RALYL: variants seen among roughly 807,000 people sequenced by gnomAD.
The protein encoded by RALYL is RALY RNA binding protein like.
RALYL carries 29 observed loss-of-function variants against 35.1 expected under a neutral mutation model. The ratio of observed to expected loss-of-function variants is 0.83; its 90% CI spans 0.61 to 1.13. RALYL has a LOEUF of 1.13. Among genes scored for constraint, RALYL ranks in the 50% most tolerant of loss-of-function variants. The pLI, the probability that RALYL is intolerant of heterozygous loss-of-function variation, is 0.00. For synonymous variants in RALYL, 120 were observed against 127.6 expected (o/e 0.94, Z 0.40); for missense variants, 359 against 360.4 (o/e 1.00, Z 0.03).
At chr8:84,543,342 T>C (rs1376535297) in intron 2 of RALYL, among the ~76,000 whole-genome samples, 1 of 152,000 alleles carries the variant, frequency 6.6e-6, no homozygotes, top group Non-Finnish European at 1.5e-5. Context: ...ATTATGATTG[T>C]ATAGAAAAAT....
At chr8:84,752,250 G>C (rs371991274) in intron 2 of RALYL, among the ~76,000 whole-genome samples, 1 of 152,182 alleles carries the variant, frequency 6.6e-6, no homozygotes, top group Non-Finnish European at 1.5e-5. Flanking sequence ...GAACTTGAGA[G>C]TGATGACTTA....
intron 2 of RALYL, among the ~76,000 whole-genome samples, chr8:84,653,988 A>T (rs1360602515): frequency 1.3e-5 from 2 of 151,152 alleles, no homozygotes; most frequent in African/African-American, 4.9e-5. Flanking sequence ...AAGCCCATTG[A>T]GAACAAGGTT....
intron 1 of RALYL, among the ~76,000 whole-genome samples, chr8:84,462,372 C>T (rs1587483761): frequency 1.3e-5 from 2 of 150,862 alleles, no homozygotes; most frequent in Admixed American, 6.6e-5. Context: ...CAAATGTTTT[C>T]GTTTCTTCCT....
intron 1 of RALYL, among the ~76,000 whole-genome samples, chr8:84,485,595 A>T (rs557030254): frequency 6.6e-6 from 1 of 152,064 alleles, no homozygotes; most frequent in African/African-American, 2.4e-5. Flanking sequence ...AACAAAACAA[A>T]ACAAAAACTA....
chr8:84,543,495 TA>T (rs1419987256), intron 2 of RALYL, among the ~76,000 whole-genome samples: 3 of 126,444 alleles, frequency 2.4e-5, no homozygotes, highest in Admixed American at 8.1e-5. Flanking sequence ...TCTATGGAAA[TA>T]AAAAAAATAA....
In RALYL at chr8:84,250,500, G is replaced by A. The variant is rs539271174; in HGVS notation, c.-24+66076G>A. On this transcript the variant is annotated intron_variant, in intron 1 of 8. Transcript: ENST00000521268. ...TCTGCCTCAGCCTCCTGAGTAGCTG[G>A]GATTACAAGTGTCCACCACCCAGAG... is the stretch of plus-strand genomic sequence containing the variant. 1.4e-4 allele frequency among the ~76,000 whole-genome samples: 22 copies of A among 151,930 alleles called. No individual in the cohort carries two copies. The South Asian group carries it at 4.6e-3, about 32-fold the overall frequency.
intron 1 of RALYL, among the ~76,000 whole-genome samples, chr8:84,280,858 G>A (rs1053730496): frequency 3.3e-5 from 5 of 151,914 alleles, no homozygotes; most frequent in Admixed American, 1.3e-4. Flanking sequence ...ACATTTTTGG[G>A]TAGGAGATAA....
intron 4 of RALYL, among the ~76,000 whole-genome samples, chr8:84,843,699 A>G (rs1273581887): frequency 3.9e-5 from 6 of 152,138 alleles, no homozygotes; most frequent in South Asian, 4.1e-4. Context: ...GAGGCATCAC[A>G]CTACCTGACT....
In RALYL at chr8:84,878,548, C is replaced by CAAA. The variant is rs112164375; in HGVS notation, c.685+5159_685+5161dup. On this transcript the variant is annotated intron_variant, in intron 7 of 8. Coordinates refer to ENST00000521268, the MANE Select transcript of RALYL (RefSeq NM_173848.7). ...AAGAACATAGTTAATAAGCAAATGC[C>CAAA]AAAAAAAAAAGAAGTCAGAGGAAAC... Among the ~76,000 whole-genome samples, 257 of 122,248 alleles carry CAAA rather than the reference C, an allele frequency of 2.1e-3. 2 individuals are homozygous for CAAA. Among genetic ancestry groups the CAAA allele is most frequent in the African/African-American group, 6.8e-3 (250 of 36,526 alleles). 80.2% of individuals were successfully genotyped at this position (122,248 alleles called of 152,430 possible).
chr8:84,685,669 A>T, intron 2 of RALYL, among the ~76,000 whole-genome samples: 1 of 152,190 alleles, frequency 6.6e-6, no homozygotes, highest in Non-Finnish European at 1.5e-5. Context: ...TACACAATTT[A>T]AAAAACACAG....
intron 2 of RALYL, among the ~76,000 whole-genome samples, chr8:84,755,927 A>C (rs1475613709): frequency 2.0e-5 from 3 of 152,040 alleles, no homozygotes; most frequent in Non-Finnish European, 1.5e-5. Context: ...CAATGCCATT[A>C]AGCTAAAAGT....
chr8:84,500,713 G>A (rs1305465347), intron 1 of RALYL, among the ~76,000 whole-genome samples: 1 of 152,124 alleles, frequency 6.6e-6, no homozygotes, highest in Non-Finnish European at 1.5e-5. Context: ...ACAAGACTGT[G>A]TAATCATATT....
intron 4 of RALYL, among the ~76,000 whole-genome samples, chr8:84,847,135 G>T (rs146651063): frequency 1.4e-3 from 218 of 152,300 alleles, no homozygotes; most frequent in African/African-American, 5.1e-3. Context: ...TGCTGCCGCT[G>T]CCCCCTACAC....
chr8:84,438,561 TAA>T (rs66920214), intron 1 of RALYL, among the ~76,000 whole-genome samples: 4 of 151,690 alleles, frequency 2.6e-5, no homozygotes, highest in South Asian at 2.1e-4. Flanking sequence ...GCTATTTTTT[TAA>T]AAATTTTTTG....
intron 2 of RALYL, among the ~76,000 whole-genome samples, chr8:84,705,104 T>G (rs1262512552): frequency 6.6e-6 from 1 of 152,102 alleles, no homozygotes; most frequent in Non-Finnish European, 1.5e-5. Context: ...ATGTTCTCAT[T>G]TGGAGTGTTT....
At chr8:84,914,842 T>A (rs1446569799) in intron 8 of RALYL, among the ~76,000 whole-genome samples, 1 of 152,132 alleles carries the variant, frequency 6.6e-6, no homozygotes, top group African/African-American at 2.4e-5. Context: ...TTTCCACTAA[T>A]TCCATCCCTT....
chr8:84,853,019 C>A (rs1836208634), intron 5 of RALYL, among the ~76,000 whole-genome samples: 3 of 152,148 alleles, frequency 2.0e-5, no homozygotes, highest in South Asian at 2.1e-4. Flanking sequence ...ATCTTTAAAG[C>A]AAAATTAGGA....
chr8:84,468,526 T>C (rs1282931097), intron 1 of RALYL, among the ~76,000 whole-genome samples: 3 of 150,042 alleles, frequency 2.0e-5, no homozygotes, highest in African/African-American at 7.3e-5. Context: ...GTTAGTCTGA[T>C]GGGCTTCCCT....
intron 1 of RALYL, among the ~76,000 whole-genome samples, chr8:84,336,128 T>G (rs1261401665): frequency 1.3e-5 from 2 of 152,150 alleles, no homozygotes; most frequent in African/African-American, 4.8e-5. Context: ...TACAGTGACT[T>G]CTCTACATGG....
Sources: allele counts gnomAD v4.1 joint callset (sites outside exome capture counted in the v4.1 genomes callset), GRCh38; gene constraint gnomAD v4.1.1; transcripts MANE v1.5; gene names NCBI Gene and HGNC (gene_info 2026-07-23, HGNC 2026-07-21).